Variants in SPRED2 observed in about 807,000 individuals in gnomAD.
SPRED2 encodes sprouty related EVH1 domain containing 2.
SPRED2 carries 47 observed loss-of-function variants against 43.0 expected under a neutral mutation model. The ratio of observed to expected loss-of-function variants is 1.09; its 90% CI spans 0.87 to 1.40. The LOEUF is 1.40. SPRED2 is among the 40% of genes most tolerant of loss of function. The pLI, the probability that SPRED2 is intolerant of heterozygous loss-of-function variation, is 0.00. For missense variants in SPRED2, 561 were observed against 586.4 expected, an observed-to-expected ratio of 0.96 and a Z score of 0.45; for synonymous variants, 225 against 225.7, an observed-to-expected ratio of 1.00 and a Z score of 0.03.
intron 1 of SPRED2, among the ~76,000 whole-genome samples, chr2:65,410,097 C>T (rs373488180): frequency 1.8e-4 from 27 of 151,392 alleles, no homozygotes; most frequent in East Asian, 5.8e-4. Flanking sequence ...CAAGGCCAGG[C>T]GTAATGGCTC....
chr2:65,428,015 A>G (rs1676594716), intron 1 of SPRED2, among the ~76,000 whole-genome samples: 1 of 152,196 alleles, frequency 6.6e-6, no homozygotes, highest in Non-Finnish European at 1.5e-5. Flanking sequence ...CTAAATGAAT[A>G]AAGTGCTTTA....
At chr2:65,344,978 C>A (rs952215846) in intron 1 of SPRED2, 82 bp from the exon 2 acceptor site, 22 of 1,342,190 alleles carry the variant, frequency 1.6e-5, no homozygotes, top group Non-Finnish European at 2.1e-5. Flanking sequence ...AAGATGACCA[C>A]CAGCCAGCAC....
At chr2:65,367,197 T>A (rs1420226288) in intron 1 of SPRED2, among the ~76,000 whole-genome samples, 1 of 152,156 alleles carries the variant, frequency 6.6e-6, no homozygotes, top group African/African-American at 2.4e-5. Context: ...AAAATTTTGG[T>A]CCTGGATTAA....
chr2:65,378,472 G>A (rs1200300794), intron 1 of SPRED2, among the ~76,000 whole-genome samples: 1 of 152,194 alleles, frequency 6.6e-6, no homozygotes, highest in Admixed American at 6.5e-5. Context: ...GGGCGGAGGA[G>A]ACATGAATGA....
At chr2:65,324,671 T>A (rs1315775534) in intron 4 of SPRED2, among the ~76,000 whole-genome samples, 2 of 152,086 alleles carry the variant, frequency 1.3e-5, no homozygotes, top group Admixed American at 6.6e-5. Context: ...ACCTTCTTCA[T>A]GTAGAAGGCC....
At chr2:65,321,946 G>T (rs555663056) in intron 4 of SPRED2, among the ~76,000 whole-genome samples, 2 of 151,744 alleles carry the variant, frequency 1.3e-5, no homozygotes, top group Non-Finnish European at 2.9e-5. Flanking sequence ...CTAATTTTTT[G>T]ATTTTTTTAG....
intron 4 of SPRED2, among the ~76,000 whole-genome samples, chr2:65,322,229 C>CCTCTCTCTCTCT (rs71905140): frequency 6.5e-5 from 4 of 61,302 alleles, no homozygotes; most frequent in African/African-American, 1.3e-4. Context: ...GGTCTCCTTT[C>CCTCTCTCTCTCT]CTCTCTCTCT....
chr2:65,398,048 C>T (rs1459502712), intron 1 of SPRED2, among the ~76,000 whole-genome samples: 1 of 152,138 alleles, frequency 6.6e-6, no homozygotes, highest in African/African-American at 2.4e-5. Context: ...GGCACATAGA[C>T]CAATGGAACA....
intron 1 of SPRED2, among the ~76,000 whole-genome samples, chr2:65,370,052 G>A (rs1052129316): frequency 3.9e-5 from 6 of 152,216 alleles, no homozygotes; most frequent in African/African-American, 1.4e-4. Flanking sequence ...AAAAGAAAAT[G>A]CGGATATCAA....
chr2:65,326,963 C>T (rs1673638920), intron 4 of SPRED2, among the ~76,000 whole-genome samples: 1 of 151,508 alleles, frequency 6.6e-6, no homozygotes, highest in South Asian at 2.1e-4. Flanking sequence ...ACCTCAGCCT[C>T]CCAAGTAGCT....
chr2:65,366,029 A>AAAC (rs1674961048), intron 1 of SPRED2, among the ~76,000 whole-genome samples: 1 of 151,092 alleles, frequency 6.6e-6, no homozygotes, highest in Non-Finnish European at 1.5e-5. Context: ...GTGATTTATA[A>AAAC]AAACAAACAA....
chr2:65,368,216 T>G (rs940750634), intron 1 of SPRED2, among the ~76,000 whole-genome samples: 2 of 152,324 alleles, frequency 1.3e-5, no homozygotes, highest in Admixed American at 6.5e-5. Context: ...TAAAGGACCC[T>G]GTCTAATAGG....
intron 1 of SPRED2, among the ~76,000 whole-genome samples, chr2:65,388,814 A>T (rs947139238): frequency 3.9e-5 from 6 of 152,178 alleles, no homozygotes; most frequent in African/African-American, 1.4e-4. Context: ...ATGTGGTTTC[A>T]TATTATAAAG....
intron 1 of SPRED2, among the ~76,000 whole-genome samples, chr2:65,353,051 G>C (rs1444474608): frequency 6.6e-6 from 1 of 152,200 alleles, no homozygotes; most frequent in Non-Finnish European, 1.5e-5. Context: ...GTAGGAGGTG[G>C]CGGTGGTAGT....
intron 1 of SPRED2, among the ~76,000 whole-genome samples, chr2:65,413,864 G>T (rs958538614): frequency 6.6e-6 from 1 of 152,212 alleles, no homozygotes; most frequent in African/African-American, 2.4e-5. Context: ...GGTGACTTAA[G>T]TATTCCCAAG....
chr2:65,411,872 T>C (rs911930907), intron 1 of SPRED2, among the ~76,000 whole-genome samples: 1 of 152,082 alleles, frequency 6.6e-6, no homozygotes, highest in Non-Finnish European at 1.5e-5. Flanking sequence ...CTCACGCCTG[T>C]AATCCCAGCA....
At chr2:65,381,184 G>A (rs1190776807) in intron 1 of SPRED2, among the ~76,000 whole-genome samples, 3 of 152,148 alleles carry the variant, frequency 2.0e-5, no homozygotes, top group African/African-American at 4.8e-5. Flanking sequence ...GCTCAGAGGC[G>A]CTCAGTGCTC....
intron 1 of SPRED2, among the ~76,000 whole-genome samples, chr2:65,426,952 A>G (rs1242877161): frequency 6.6e-6 from 1 of 152,260 alleles, no homozygotes; most frequent in African/African-American, 2.4e-5. Flanking sequence ...AGTCCACTCC[A>G]GGTCTACCAC....
intron 1 of SPRED2, among the ~76,000 whole-genome samples, chr2:65,411,556 G>C (rs1488669259): frequency 1.3e-5 from 2 of 152,186 alleles, no homozygotes; most frequent in Admixed American, 1.3e-4. Flanking sequence ...GGGGACAAAA[G>C]TGAGGGATGG....
Sources: allele counts gnomAD v4.1 joint callset (sites outside exome capture counted in the v4.1 genomes callset), GRCh38; gene constraint gnomAD v4.1.1; transcripts MANE v1.5; gene names NCBI Gene and HGNC (gene_info 2026-07-23, HGNC 2026-07-21).